Variants in ACOT7 observed in about 807,000 individuals in gnomAD.
ACOT7 encodes acyl-CoA thioesterase 7.
In ACOT7, 12 loss-of-function variants were observed where a neutral mutation model predicts 40.2. The ratio of observed to expected loss-of-function variants is 0.30; its 90% CI spans 0.19 to 0.48. The LOEUF is 0.48. Ranked by LOEUF, ACOT7 falls within the 20% of genes least tolerant of loss-of-function variation. The probability of loss-of-function intolerance (pLI) is 0.99; values close to 1 mark genes in which losing one functional copy is unlikely to be tolerated. For synonymous variants in ACOT7, 228 were observed against 219.5 expected, an observed-to-expected ratio of 1.04 and a Z score of -0.34; for missense variants, 395 against 530.8, an observed-to-expected ratio of 0.74 and a Z score of 2.51.
intron 6 of ACOT7, among the ~76,000 whole-genome samples, chr1:6,308,211 G>A (rs1640219161): frequency 2.0e-5 from 3 of 149,020 alleles, no homozygotes; most frequent in South Asian, 2.1e-4. Flanking sequence ...AACAGCAACA[G>A]GCAGAGGGAA....
rs866462941 is a variant in ACOT7, at chr1:6,339,877, C to T, written c.262-288G>A. 6.4e-3 allele frequency among the ~76,000 whole-genome samples: 945 copies of T among 147,496 alleles called. 6 individuals carry two copies. The highest frequency in any genetic ancestry group is 0.024 in the African/African-American group (900 of 37,488). Reference sequence around the variant, plus strand: ...GCCTCAGCCTCCCGAGTAGCTAGGACTACAGGCGCCCGCTGGGACTACAGC... The same window carrying T: ...GCCTCAGCCTCCCGAGTAGCTAGGATTACAGGCGCCCGCTGGGACTACAGC... On this transcript the variant is annotated intron_variant, in intron 2 of 8. Coordinates refer to ENST00000361521, the MANE Select transcript of ACOT7 (RefSeq NM_007274.4).
At chr1:6,349,674 C>G (rs1177012023) in intron 2 of ACOT7, 75 bp downstream of exon 2, 3 of 1,428,202 alleles carry the variant, frequency 2.1e-6, no homozygotes, top group Non-Finnish European at 2.9e-6. Context: ...AGGCCTGGCT[C>G]CCCGGGGAAC....
chr1:6,363,901 C>G (rs1641946032), intron 1 of ACOT7, among the ~76,000 whole-genome samples: 1 of 152,206 alleles, frequency 6.6e-6, no homozygotes, highest in South Asian at 2.1e-4. Context: ...GCCACCGACC[C>G]TGTGGGTTTT....
intron 7 of ACOT7, among the ~76,000 whole-genome samples, chr1:6,292,889 C>CTTTT (rs973103642): frequency 8.0e-6 from 1 of 125,102 alleles, no homozygotes; most frequent in Admixed American, 8.1e-5. Flanking sequence ...ATTTCTTTTT[C>CTTTT]TTTTTTTTTT....
At chr1:6,271,140 C>G (rs892397263) in intron 8 of ACOT7, among the ~76,000 whole-genome samples, 3 of 152,222 alleles carry the variant, frequency 2.0e-5, no homozygotes, top group African/African-American at 7.2e-5. Flanking sequence ...GGAGGGGAAG[C>G]CTGTGGCTTT....
intron 8 of ACOT7, among the ~76,000 whole-genome samples, chr1:6,276,230 G>T (rs949321058): frequency 6.6e-6 from 1 of 152,094 alleles, no homozygotes. Flanking sequence ...TGCCAGGGAC[G>T]TCCTCCGCTT....
At chr1:6,350,967 G>A (rs1641573597) in intron 1 of ACOT7, among the ~76,000 whole-genome samples, 1 of 152,244 alleles carries the variant, frequency 6.6e-6, no homozygotes, top group Non-Finnish European at 1.5e-5. Flanking sequence ...AGATCACGCA[G>A]ATCGCACACT....
At position 6,264,383 on chromosome 1, in the gene ACOT7, C is replaced by T; in HGVS notation, c.*214G>A. 5.3e-6 allele frequency: 3 copies of T among 570,164 alleles called. No homozygotes were observed. The highest frequency in any genetic ancestry group is 9.2e-6 in the Non-Finnish European group (3 of 325,550). The allele number at this position is 570,164 out of a possible 1,614,324, so 35.3% of individuals were successfully genotyped here. ...CAACGCCTCCCGGCGCTCGGGACAA[C>T]ACTGTGTAGCATTGATACTGGAATG... On this transcript the variant is annotated 3_prime_UTR_variant, in exon 9 of 9. Transcript: ENST00000361521.
intron 6 of ACOT7, among the ~76,000 whole-genome samples, chr1:6,310,931 T>C (rs781516700): frequency 2.6e-5 from 4 of 152,106 alleles, no homozygotes; most frequent in Non-Finnish European, 5.9e-5. Context: ...AGAGACGAGA[T>C]TTCATCATGA....
intron 1 of ACOT7, among the ~76,000 whole-genome samples, chr1:6,370,493 T>C (rs1045906947): frequency 8.1e-6 from 1 of 123,822 alleles, no homozygotes; most frequent in African/African-American, 3.3e-5. Flanking sequence ...ATTATTATTA[T>C]TATTATTATT....
intron 1 of ACOT7, among the ~76,000 whole-genome samples, chr1:6,367,298 G>C (rs1480197429): frequency 6.6e-6 from 1 of 151,864 alleles, no homozygotes; most frequent in Non-Finnish European, 1.5e-5. Context: ...TGGGATCTTT[G>C]GGGTATCCCT....
At chr1:6,365,898 GTTTA>G (rs1048392977) in intron 1 of ACOT7, among the ~76,000 whole-genome samples, 3 of 151,526 alleles carry the variant, frequency 2.0e-5, no homozygotes, top group Admixed American at 6.6e-5. Context: ...TTGTTTTGGG[GTTTA>G]TTTTTTTTTT....
At chr1:6,273,688 A>G (rs1639105261) in intron 8 of ACOT7, among the ~76,000 whole-genome samples, 1 of 152,270 alleles carries the variant, frequency 6.6e-6, no homozygotes, top group South Asian at 2.1e-4. Context: ...AAATTATTCC[A>G]AAAGTCCAAT....
chr1:6,338,921 G>A lies in ACOT7; in HGVS notation c.418+512C>T, dbSNP rs573670455. Among the ~76,000 whole-genome samples the A allele has an allele frequency of 3.3e-5, 5 of 152,328 alleles. No homozygotes were observed. Among genetic ancestry groups the A allele is most frequent in the African/African-American group, 1.2e-4 (5 of 41,564 alleles). On this transcript the variant is annotated intron_variant, in intron 3 of 8. Transcript: ENST00000361521. The surrounding 1 kb of genome is among the most constrained non-coding windows in gnomAD (Gnocchi z 4.4). ...GAAGGGGGTTTCCATGGTTACCATG[G>A]CCAAGGAGGAGAATATTCAGATGAA... is the stretch of plus-strand genomic sequence containing the variant.
chr1:6,318,689 A>G, intron 5 of ACOT7, 111 bp from the exon 6 acceptor site: 1 of 1,054,982 alleles, frequency 9.5e-7, no homozygotes. Flanking sequence ...GAAGGCGTCC[A>G]AAGCCGGGTT....
At chr1:6,336,733 G>C (rs1386336468) in intron 3 of ACOT7, among the ~76,000 whole-genome samples, 1 of 150,532 alleles carries the variant, frequency 6.6e-6, no homozygotes, top group Non-Finnish European at 1.5e-5. Flanking sequence ...TGTGCCCACA[G>C]TGTGCCAGGC....
chr1:6,331,745 A>AT (rs755153394), intron 4 of ACOT7, among the ~76,000 whole-genome samples: 4 of 152,056 alleles, frequency 2.6e-5, no homozygotes, highest in South Asian at 2.1e-4. Flanking sequence ...TGTCACCAAG[A>AT]TTAAAAAAAA....
At chr1:6,367,843 G>A (rs541485847) in intron 1 of ACOT7, among the ~76,000 whole-genome samples, 21 of 152,340 alleles carry the variant, frequency 1.4e-4, no homozygotes, top group Admixed American at 7.8e-4. Context: ...GGCAGGTCCC[G>A]AGTTCTTGCC....
intron 3 of ACOT7, among the ~76,000 whole-genome samples, chr1:6,336,333 CAAAAAAAA>C (rs3029068): frequency 1.9e-5 from 1 of 52,762 alleles, no homozygotes; most frequent in Non-Finnish European, 3.7e-5. Flanking sequence ...GACTCGGTCT[CAAAAAAAA>C]AAAAAAAAAA....
Sources: allele counts gnomAD v4.1 joint callset (sites outside exome capture counted in the v4.1 genomes callset), GRCh38; gene constraint gnomAD v4.1.1; non-coding constraint Gnocchi (gnomAD v3.1); transcripts MANE v1.5; gene names NCBI Gene and HGNC (gene_info 2026-07-23, HGNC 2026-07-21).